FAM13C: variants seen among roughly 807,000 people sequenced by gnomAD.
The protein encoded by FAM13C is family with sequence similarity 13 member C, also known as protein FAM13C.
In FAM13C, 37 loss-of-function variants were observed where a neutral mutation model predicts 73.2. The ratio of observed to expected loss-of-function variants is 0.51; its 90% CI spans 0.39 to 0.67. The LOEUF is 0.67. Among genes scored for constraint, FAM13C ranks in the 30% least tolerant of loss-of-function variants. The pLI is 0.00. For synonymous variants in FAM13C, 246 were observed against 260.9 expected (o/e 0.94, Z 0.55); for missense variants, 589 against 715.6 (o/e 0.82, Z 2.02).
At chr10:59,318,541 G>C (rs561897159) in intron 4 of FAM13C, among the ~76,000 whole-genome samples, 2 of 152,262 alleles carry the variant, frequency 1.3e-5, no homozygotes, top group East Asian at 3.9e-4. Context: ...CCTTATGTTA[G>C]AGGAGGGGGC....
chr10:59,249,423 A>AG (rs1375136488), intron 13 of FAM13C, among the ~76,000 whole-genome samples: 4 of 150,958 alleles, frequency 2.6e-5, no homozygotes, highest in African/African-American at 4.9e-5. Context: ...AAAAAAAAAA[A>AG]AAAAAAAGAG....
chr10:59,289,867 C>T (rs1202097166), intron 5 of FAM13C, among the ~76,000 whole-genome samples: 2 of 152,158 alleles, frequency 1.3e-5, no homozygotes, highest in Non-Finnish European at 2.9e-5. Flanking sequence ...GACTTCCACT[C>T]TCCCTGCCTC....
At chr10:59,253,038 G>A in intron 11 of FAM13C, 40 bp from the exon 12 acceptor site, 1 of 1,594,438 alleles carries the variant, frequency 6.3e-7, no homozygotes, top group Non-Finnish European at 8.6e-7. Context: ...GTCATGTAAT[G>A]CTCAGTGCCT....
At chr10:59,315,686 G>A (rs554455475) in intron 4 of FAM13C, among the ~76,000 whole-genome samples, 1 of 152,226 alleles carries the variant, frequency 6.6e-6, no homozygotes, top group South Asian at 2.1e-4. Flanking sequence ...GAAGCACTTT[G>A]CCCTTAGCAC....
chr10:59,350,302 AC>A (rs1408292544), intron 3 of FAM13C, among the ~76,000 whole-genome samples: 2 of 152,188 alleles, frequency 1.3e-5, no homozygotes, highest in Non-Finnish European at 2.9e-5. Context: ...CCCCATTAGC[AC>A]CTTATTACAA....
intron 9 of FAM13C, 115 bp downstream of exon 9, chr10:59,263,970 G>A: frequency 1.1e-6 from 1 of 947,356 alleles, no homozygotes; most frequent in Non-Finnish European, 1.7e-6. Flanking sequence ...AGTCTAAGCA[G>A]AAAACAAGGT....
intron 8 of FAM13C, among the ~76,000 whole-genome samples, chr10:59,268,054 C>G (rs1843264487): frequency 6.6e-6 from 1 of 152,036 alleles, no homozygotes; most frequent in African/African-American, 2.4e-5. Context: ...TTATGAGTGG[C>G]CTGAACAGAT....
chr10:59,353,252 C>G (rs1404582149), intron 2 of FAM13C, among the ~76,000 whole-genome samples: 6 of 152,254 alleles, frequency 3.9e-5, no homozygotes, highest in Admixed American at 2.0e-4. Context: ...ACAATTTTCT[C>G]AAAAATACTG....
At chr10:59,308,789 A>G (rs1218433954) in intron 4 of FAM13C, among the ~76,000 whole-genome samples, 1 of 152,248 alleles carries the variant, frequency 6.6e-6, no homozygotes, top group Non-Finnish European at 1.5e-5. Flanking sequence ...GCCCACTGAA[A>G]TACAACTTTT....
chr10:59,331,468 G>A (rs958044922), intron 3 of FAM13C, among the ~76,000 whole-genome samples: 1 of 152,138 alleles, frequency 6.6e-6, no homozygotes, highest in Non-Finnish European at 1.5e-5. Flanking sequence ...GGTAGGTGAG[G>A]GACAGGCAGA....
chr10:59,359,949 A>T (rs1856194079), intron 1 of FAM13C, among the ~76,000 whole-genome samples: 2 of 152,218 alleles, frequency 1.3e-5, no homozygotes, highest in Admixed American at 1.3e-4. Flanking sequence ...ACCATGGAAA[A>T]ATATTAGATG....
At chr10:59,265,084 G>T (rs1011753455) in intron 8 of FAM13C, among the ~76,000 whole-genome samples, 1 of 151,788 alleles carries the variant, frequency 6.6e-6, no homozygotes, top group Non-Finnish European at 1.5e-5. Flanking sequence ...GAAGATGGCA[G>T]ATTTTTAAAA....
intron 5 of FAM13C, among the ~76,000 whole-genome samples, chr10:59,294,243 A>G (rs1295411196): frequency 2.6e-5 from 4 of 152,224 alleles, no homozygotes; most frequent in African/African-American, 9.6e-5. Flanking sequence ...CCAGCCTTAC[A>G]TGAGAGAGTA....
intron 3 of FAM13C, among the ~76,000 whole-genome samples, chr10:59,330,196 C>T (rs1319970793): frequency 2.6e-5 from 4 of 152,128 alleles, no homozygotes; most frequent in African/African-American, 4.8e-5. Flanking sequence ...ACTTTATATT[C>T]AATACTTAAT....
At chr10:59,335,766 G>A (rs868514671) in intron 3 of FAM13C, among the ~76,000 whole-genome samples, 1 of 152,176 alleles carries the variant, frequency 6.6e-6, no homozygotes. Context: ...TGCTCTGCAG[G>A]GGAAGGTAAG....
intron 4 of FAM13C, among the ~76,000 whole-genome samples, chr10:59,321,932 C>T (rs1470869766): frequency 6.6e-6 from 1 of 152,100 alleles, no homozygotes; most frequent in Non-Finnish European, 1.5e-5. Flanking sequence ...CCCACTGCCC[C>T]AAAGAAGGTG....
chr10:59,324,225 T>C (rs1244137776), intron 3 of FAM13C, 119 bp from the exon 4 acceptor site: 2 of 756,090 alleles, frequency 2.6e-6, no homozygotes, highest in South Asian at 1.9e-5. Flanking sequence ...ATTCTGCTGA[T>C]TGTAGTGTGG....
At chr10:59,344,883 G>A (rs1854090167) in intron 3 of FAM13C, among the ~76,000 whole-genome samples, 1 of 151,108 alleles carries the variant, frequency 6.6e-6, no homozygotes, top group African/African-American at 2.4e-5. Flanking sequence ...GCAGGTCTCG[G>A]AACCCAATGG....
At chr10:59,287,330 C>A in intron 5 of FAM13C, among the ~76,000 whole-genome samples, 1 of 67,952 alleles carries the variant, frequency 1.5e-5, no homozygotes. Flanking sequence ...GAGTGAGACT[C>A]TGTCTCAAAA....
Sources: allele counts gnomAD v4.1 joint callset (sites outside exome capture counted in the v4.1 genomes callset), GRCh38; gene constraint gnomAD v4.1.1; transcripts MANE v1.5; gene names NCBI Gene and HGNC (gene_info 2026-07-23, HGNC 2026-07-21).